Variants in CACUL1 observed in about 807,000 individuals in gnomAD.
CACUL1 encodes CDK2-associated and cullin domain-containing protein 1.
In CACUL1, 13 loss-of-function variants were observed where a neutral mutation model predicts 45.2. That is an observed-to-expected ratio of 0.29 (90% CI 0.19 to 0.46). The LOEUF is 0.46. Ranked by LOEUF, CACUL1 falls within the 20% of genes least tolerant of loss-of-function variation. The pLI is 1.00. For synonymous variants in CACUL1, 197 were observed against 174.2 expected, an observed-to-expected ratio of 1.13 and a Z score of -1.03; for missense variants, 421 against 471.4, an observed-to-expected ratio of 0.89 and a Z score of 0.99.
intron 1 of CACUL1, among the ~76,000 whole-genome samples, chr10:118,753,740 G>A (rs539090995): frequency 6.6e-6 from 1 of 152,268 alleles, no homozygotes; most frequent in Admixed American, 6.5e-5. Context: ...CATCCTGAAA[G>A]GCTTATTCTT....
chr10:118,754,032 T>A (rs895810290), intron 1 of CACUL1, among the ~76,000 whole-genome samples: 2 of 152,222 alleles, frequency 1.3e-5, no homozygotes, highest in Admixed American at 1.3e-4. Context: ...GCAGCCTTAT[T>A]TTCCCCTCAC....
intron 3 of CACUL1, among the ~76,000 whole-genome samples, chr10:118,724,688 C>T (rs568103602): frequency 3.2e-4 from 48 of 152,120 alleles, no homozygotes; most frequent in Non-Finnish European, 6.3e-4. Context: ...AAAGAATATT[C>T]CACTAGTGCA....
At chr10:118,746,168 G>T (rs77090059) in intron 1 of CACUL1, among the ~76,000 whole-genome samples, 2,560 of 133,748 alleles carry the variant, frequency 0.019, 43 homozygotes, top group Non-Finnish European at 0.027. Context: ...AAAAAAAAAG[G>T]AGTCTTTAGG....
chr10:118,745,625 C>A (rs1845834632), intron 1 of CACUL1, among the ~76,000 whole-genome samples: 1 of 151,858 alleles, frequency 6.6e-6, no homozygotes, highest in African/African-American at 2.4e-5. Context: ...AAAGAGTAAA[C>A]AAAAGTGCAA....
chr10:118,697,931 A>C (rs1037007345), intron 5 of CACUL1, among the ~76,000 whole-genome samples: 1 of 152,232 alleles, frequency 6.6e-6, no homozygotes, highest in Non-Finnish European at 1.5e-5. Flanking sequence ...ACTTTATTTT[A>C]TAAGCAAATA....
intron 4 of CACUL1, among the ~76,000 whole-genome samples, chr10:118,705,044 G>A (rs565926528): frequency 1.3e-5 from 2 of 152,260 alleles, no homozygotes; most frequent in South Asian, 2.1e-4. Context: ...GGCCTCATAC[G>A]TGAATTCTGA....
chr10:118,735,958 T>C (rs1198074997), intron 1 of CACUL1, among the ~76,000 whole-genome samples: 1 of 152,096 alleles, frequency 6.6e-6, no homozygotes, highest in East Asian at 1.9e-4. Flanking sequence ...CTAGTTAATG[T>C]ATGCTATCTA....
rs184966960 is a variant in CACUL1, at chr10:118,737,220, G to C, written c.368-6810C>G. Reference sequence around the variant, plus strand: ...AGGGCAGCAATTATTTCTAAAGTAGGTTAAAGCCTCTTAAAAGTTGTGTGC... The same window carrying C: ...AGGGCAGCAATTATTTCTAAAGTAGCTTAAAGCCTCTTAAAAGTTGTGTGC... On this transcript the variant is annotated intron_variant, in intron 1 of 8. Coordinates refer to ENST00000369151, the MANE Select transcript of CACUL1 (RefSeq NM_153810.5). Among the ~76,000 whole-genome samples, 383 of 152,032 alleles carry C rather than the reference G, an allele frequency of 2.5e-3. 2 individuals are homozygous for C. The highest frequency in any genetic ancestry group is 4.1e-3 in the East Asian group (21 of 5,168).
At chr10:118,748,157 T>C (rs1731391423) in intron 1 of CACUL1, among the ~76,000 whole-genome samples, 1 of 152,174 alleles carries the variant, frequency 6.6e-6, no homozygotes, top group African/African-American at 2.4e-5. Flanking sequence ...TTGGTTGTTG[T>C]GGTGGTTACT....
chr10:118,679,264 G>A lies in CACUL1; in HGVS notation c.*6864C>T, dbSNP rs531458674. ...GTTGCTCAGGCCAGAGTCCAGTGGT[G>A]TGACCTTAGCCCACTGTAACCTCCA... On this transcript the variant is annotated 3_prime_UTR_variant, in exon 9 of 9. Transcript: ENST00000369151. 6.6e-6 allele frequency: 1 copy of A among 152,260 alleles called. No homozygotes were observed. The highest frequency in any genetic ancestry group is 6.5e-5 in the Admixed American group (1 of 15,292). 9.4% of individuals were successfully genotyped at this position (152,260 alleles called of 1,614,324 possible). A position where few individuals can be genotyped will look rare whatever the true frequency, so the allele number is the denominator to read the frequency against.
intron 4 of CACUL1, among the ~76,000 whole-genome samples, chr10:118,704,806 T>C (rs1258458856): frequency 6.6e-6 from 1 of 152,212 alleles, no homozygotes; most frequent in Non-Finnish European, 1.5e-5. Flanking sequence ...AGCTGTTTCA[T>C]TGCTCAATAA....
intron 5 of CACUL1, 80 bp from the exon 6 acceptor site, chr10:118,695,310 C>G: frequency 1.3e-6 from 1 of 795,838 alleles, no homozygotes; most frequent in South Asian, 1.4e-5. Context: ...CTCCCAAAGA[C>G]TCCTGAAACA....
rs1355559407 is a variant in CACUL1 at position 118,685,641 on chromosome 10, A to C, written c.*487T>G. 6.5e-6 allele frequency: 1 copy of C among 152,678 alleles called. No homozygotes were observed. The highest frequency in any genetic ancestry group is 1.9e-4 in the East Asian group (1 of 5,200). The allele number at this position is 152,678 out of a possible 1,614,324, so 9.5% of individuals were successfully genotyped here. A position where few individuals can be genotyped will look rare whatever the true frequency, so the allele number is the denominator to read the frequency against. On this transcript the variant is annotated 3_prime_UTR_variant, in exon 9 of 9. Transcript: ENST00000369151. ...GCTAAACAAAGACCAACTCTTTTAA[A>C]AGGGGTTGTTTTGGTTGTGGGTGAA... is the stretch of plus-strand genomic sequence containing the variant.
In CACUL1 at chr10:118,701,419, A is replaced by C; in HGVS notation, c.694-11T>G. 1 of 1,454,698 alleles carries C rather than the reference A, an allele frequency of 6.9e-7. No individual in the cohort carries two copies. The highest frequency in any genetic ancestry group is 1.3e-5 in the South Asian group (1 of 76,864). 90.1% of individuals were successfully genotyped at this position (1,454,698 alleles called of 1,614,324 possible). ...GATGTAAAACTTATTCTGAAAAATAAAATAAAATCTTTTTTTGTGTATTAA... is the reference window on the plus strand; with the variant it reads ...GATGTAAAACTTATTCTGAAAAATACAATAAAATCTTTTTTTGTGTATTAA... On this transcript the variant is annotated splice_polypyrimidine_tract_variant and intron_variant, in intron 4 of 8. Coordinates refer to ENST00000369151, the MANE Select transcript of CACUL1 (RefSeq NM_153810.5).
At chr10:118,745,500 G>A (rs1295798815) in intron 1 of CACUL1, among the ~76,000 whole-genome samples, 1 of 152,136 alleles carries the variant, frequency 6.6e-6, no homozygotes, top group Non-Finnish European at 1.5e-5. Flanking sequence ...GGTAGAGGTT[G>A]CAGTGAGCCG....
rs1845242457 is a variant in CACUL1, at chr10:118,689,683, A to G, written c.1025+1582T>C. On this transcript the variant is annotated intron_variant, in intron 7 of 8. Coordinates refer to ENST00000369151, the MANE Select transcript of CACUL1 (RefSeq NM_153810.5). ...TCATCTCATCCCAAGCAAATCTGAC[A>G]TAAGAGCTACTATAAACCAAGCAGT... 2.6e-5 allele frequency among the ~76,000 whole-genome samples: 4 copies of G among 152,156 alleles called. No homozygotes were observed. The South Asian group carries it at 8.3e-4, about 32-fold the overall frequency.
Position 118,679,576 on chromosome 10 carries a change from T to C in CACUL1, c.*6552A>G, listed in dbSNP as rs1257764929. On this transcript the variant is annotated 3_prime_UTR_variant, in exon 9 of 9. Transcript: ENST00000369151. ...TCTTGTCGCCCAGGCTGGAGTACAA[T>C]AGTGCAATCTTGGTTCACTGAAACC... 1 of 152,026 alleles carries C rather than the reference T, an allele frequency of 6.6e-6. No individual in the cohort carries two copies. Among genetic ancestry groups the C allele is most frequent in the Non-Finnish European group, 1.5e-5 (1 of 68,038 alleles). The allele number at this position is 152,026 out of a possible 1,614,324, so 9.4% of individuals were successfully genotyped here. A position where few individuals can be genotyped will look rare whatever the true frequency, so the allele number is the denominator to read the frequency against.
intron 1 of CACUL1, among the ~76,000 whole-genome samples, chr10:118,744,256 C>A (rs536090717): frequency 1.3e-5 from 2 of 152,108 alleles, no homozygotes; most frequent in African/African-American, 4.8e-5. Context: ...CATGGTGGCG[C>A]ATGCTTGTAG....
At chr10:118,750,243 T>C (rs1845883704) in intron 1 of CACUL1, among the ~76,000 whole-genome samples, 1 of 152,120 alleles carries the variant, frequency 6.6e-6, no homozygotes. Context: ...GGAGAATTGC[T>C]TGAATCCGGG....
Sources: gnomAD v4.1 joint callset for allele counts (sites outside exome capture counted in the v4.1 genomes callset) on GRCh38, gnomAD v4.1.1 for gene constraint, MANE v1.5 for transcripts, NCBI Gene and HGNC (gene_info 2026-07-23, HGNC 2026-07-21) for gene names.